CPLX1: variants seen among roughly 807,000 people sequenced by gnomAD.
The protein encoded by CPLX1 is complexin 1.
Under a neutral mutation model 15.6 loss-of-function variants are expected in CPLX1, and 6 were observed. The ratio of observed to expected loss-of-function variants is 0.39; its 90% CI spans 0.21 to 0.76. CPLX1 has a LOEUF of 0.76. CPLX1 is among the 30% of genes least tolerant of loss of function. The probability of loss-of-function intolerance (pLI) is 0.43; values close to 1 mark genes in which losing one functional copy is unlikely to be tolerated. For synonymous variants in CPLX1, 91 were observed against 75.2 expected (o/e 1.21, Z -1.08); for missense variants, 242 against 188.6 (o/e 1.28, Z -1.66).
chr4:787,061 G>A (rs1000243664), intron 3 of CPLX1: 1 of 985,326 alleles, frequency 1.0e-6, no homozygotes, highest in Non-Finnish European at 1.2e-6. Flanking sequence ...GGGTGGGCAG[G>A]ATGCTGCGTG....
In CPLX1 at chr4:786,030, TACTC is replaced by T. The variant is rs1229666047; in HGVS notation, c.*467_*470del. The T allele has an allele frequency of 1.3e-5, 2 of 152,370 alleles. No individual in the cohort carries two copies. The highest frequency in any genetic ancestry group is 2.9e-5 in the Non-Finnish European group (2 of 68,318). 9.4% of individuals were successfully genotyped at this position (152,370 alleles called of 1,614,324 possible). A position where few individuals can be genotyped will look rare whatever the true frequency, so the allele number is the denominator to read the frequency against. On this transcript the variant is annotated 3_prime_UTR_variant, in exon 4 of 4. Transcript: ENST00000304062. ...GAGAGCGGCCGCGTGCGGACGCAAATACTCACGGCGGAGCGATCCGAACCCCGGA... is the reference window on the plus strand; with the variant it reads ...GAGAGCGGCCGCGTGCGGACGCAAATACGGCGGAGCGATCCGAACCCCGGA...
At chr4:804,818 G>C (rs1746523435) in intron 2 of CPLX1, 3 of 985,356 alleles carry the variant, frequency 3.0e-6, no homozygotes, top group Non-Finnish European at 2.4e-6. Context: ...CGTCAGCCTG[G>C]AGGCCGGCAA....
intron 3 of CPLX1, among the ~76,000 whole-genome samples, chr4:790,441 G>A (rs886150368): frequency 1.3e-5 from 2 of 152,140 alleles, no homozygotes; most frequent in African/African-American, 2.4e-5. Context: ...AGGTGCTTAC[G>A]CTTCCCCCTC....
At chr4:819,507 G>T (rs1236570366) in intron 2 of CPLX1, among the ~76,000 whole-genome samples, 8 of 152,248 alleles carry the variant, frequency 5.3e-5, no homozygotes, top group Non-Finnish European at 1.2e-4. Context: ...GCATTTTACT[G>T]TTAAGTGTTT....
chr4:786,634 T>A lies in CPLX1; in HGVS notation c.272A>T (p.Glu91Val). Residue 91 changes from glutamate (E) to valine (V), a missense_variant, in exon 4 of 4, where the codon GAG becomes GTG. Physicochemically the swap from Glu to Val is moderately radical, Grantham distance 121. Transcript: ENST00000304062. ...EAQAAMEANSEGSLTRPKKAI... is the reference protein window; with the variant it reads ...EAQAAMEANSVGSLTRPKKAI... ...CTTCTTGGGCCGCGTCAAGCTCCCCTCGGAGTTGGCCTCCATGGCGGCCTG... is the reference window on the plus strand; with the variant it reads ...CTTCTTGGGCCGCGTCAAGCTCCCCACGGAGTTGGCCTCCATGGCGGCCTG... 6.2e-7 allele frequency: 1 copy of A among 1,612,308 alleles called. No homozygotes were observed. The highest frequency in any genetic ancestry group is 8.5e-7 in the Non-Finnish European group (1 of 1,179,390).
intron 2 of CPLX1, among the ~76,000 whole-genome samples, chr4:822,778 G>A (rs1459233009): frequency 1.3e-5 from 2 of 152,136 alleles, no homozygotes; most frequent in East Asian, 1.9e-4. Flanking sequence ...AATGAGGCTC[G>A]CCGGGTGAGG....
At chr4:789,654 C>T (rs1046360724) in intron 3 of CPLX1, among the ~76,000 whole-genome samples, 1 of 152,326 alleles carries the variant, frequency 6.6e-6, no homozygotes, top group South Asian at 2.1e-4. Flanking sequence ...CACAGCGGGG[C>T]AGTCTCCCTC....
At chr4:807,599 C>G (rs1006185636) in intron 2 of CPLX1, among the ~76,000 whole-genome samples, 17 of 151,994 alleles carry the variant, frequency 1.1e-4, no homozygotes, top group African/African-American at 3.9e-4. Context: ...CTCAGCCTCC[C>G]AAGTAGCTGA....
In CPLX1 at chr4:814,476, G is replaced by C. The variant is rs532721675; in HGVS notation, c.31+10016C>G. 7.2e-5 allele frequency among the ~76,000 whole-genome samples: 11 copies of C among 152,222 alleles called. No individual in the cohort carries two copies. The South Asian group carries it at 1.9e-3, about 26-fold the overall frequency. On this transcript the variant is annotated intron_variant, in intron 2 of 3. Transcript: ENST00000304062. ...GATTCACCTGCCTTGGCCTCCCACA[G>C]TGTTGGGATTTCAGGCATGAGCCAC...
At chr4:788,044 G>A (rs1746054324) in intron 3 of CPLX1, 1 of 985,300 alleles carries the variant, frequency 1.0e-6, no homozygotes, top group African/African-American at 1.7e-5. Flanking sequence ...AAACTTAGGA[G>A]GGGAGTGGGC....
intron 2 of CPLX1, among the ~76,000 whole-genome samples, chr4:798,690 C>G (rs1212691846): frequency 6.6e-6 from 1 of 152,224 alleles, no homozygotes; most frequent in African/African-American, 2.4e-5. Flanking sequence ...AGCCACTGTG[C>G]CCGGCCAGAT....
At chr4:790,955 CCT>C (rs778459063) in intron 3 of CPLX1, among the ~76,000 whole-genome samples, 1 of 144,370 alleles carries the variant, frequency 6.9e-6, no homozygotes, top group African/African-American at 2.6e-5. Context: ...TCTGTCTCTC[CCT>C]CTCTGTGTCT....
intron 2 of CPLX1, among the ~76,000 whole-genome samples, chr4:797,715 C>T (rs773518845): frequency 2.6e-5 from 4 of 151,386 alleles, no homozygotes; most frequent in South Asian, 2.1e-4. Flanking sequence ...CGGCGGATCA[C>T]GAGGTCAGGA....
chr4:788,876 A>C (rs1345103989), intron 3 of CPLX1, among the ~76,000 whole-genome samples: 1 of 152,208 alleles, frequency 6.6e-6, no homozygotes, highest in Non-Finnish European at 1.5e-5. Flanking sequence ...GTGTGCTCAG[A>C]GGAGCATGCC....
intron 2 of CPLX1, among the ~76,000 whole-genome samples, chr4:812,340 G>A (rs1464794766): frequency 6.6e-6 from 1 of 152,182 alleles, no homozygotes. Context: ...GCCTCCCAAA[G>A]TGCTGGGATT....
At chr4:787,612 C>T in intron 3 of CPLX1, 1 of 912,382 alleles carries the variant, frequency 1.1e-6, no homozygotes, top group Non-Finnish European at 1.3e-6. Context: ...CAAGAAACAC[C>T]AGGGATTCGG....
intron 2 of CPLX1, among the ~76,000 whole-genome samples, chr4:809,867 C>T (rs897121419): frequency 1.4e-4 from 22 of 151,972 alleles, no homozygotes; most frequent in African/African-American, 5.1e-4. Context: ...CTGCAGCAGG[C>T]GGGGGGACTG....
intron 2 of CPLX1, among the ~76,000 whole-genome samples, chr4:796,190 T>C (rs1746334852): frequency 1.3e-5 from 2 of 152,226 alleles, no homozygotes; most frequent in Non-Finnish European, 2.9e-5. Context: ...TTAAAGTTGA[T>C]TTTTAAAGCT....
At chr4:804,696 A>G in intron 2 of CPLX1, 1 of 973,378 alleles carries the variant, frequency 1.0e-6, no homozygotes, top group Non-Finnish European at 1.2e-6. Flanking sequence ...TAAGGTTCAT[A>G]TGGCAGAATT....
Sources: allele counts gnomAD v4.1 joint callset (sites outside exome capture counted in the v4.1 genomes callset), GRCh38; gene constraint gnomAD v4.1.1; transcripts MANE v1.5; gene names NCBI Gene and HGNC (gene_info 2026-07-23, HGNC 2026-07-21).